The following USP8 variants were observed in gnomAD, a reference collection of about 807,000 sequenced individuals.
The protein encoded by USP8 is ubiquitin specific peptidase 8.
A neutral mutation model predicts 130.0 loss-of-function variants in USP8; 27 were observed. The observed-to-expected ratio is 0.21, with a 90% CI of 0.15 to 0.29. The LOEUF is 0.29. Among genes scored for constraint, USP8 ranks in the 10% least tolerant of loss-of-function variants. USP8 has a pLI of 1.00. For synonymous variants in USP8, 392 were observed against 444.1 expected (o/e 0.88, Z 1.48); for missense variants, 1,029 against 1,312.2 (o/e 0.78, Z 3.33).
intron 1 of USP8, among the ~76,000 whole-genome samples, chr15:50,438,562 G>T (rs911948305): frequency 6.6e-5 from 10 of 152,174 alleles, no homozygotes; most frequent in African/African-American, 2.4e-4. Flanking sequence ...TACAGCCAGG[G>T]TGACAGGGTG....
chr15:50,472,597 G>GA (rs572914472), intron 8 of USP8, among the ~76,000 whole-genome samples: 1,944 of 108,954 alleles, frequency 0.018, 38 homozygotes, highest in African/African-American at 0.055. Flanking sequence ...ACTCTGTCTG[G>GA]AAAAAAAAAA....
intron 15 of USP8, chr15:50,493,666 G>A (rs1435107729): frequency 1.3e-5 from 5 of 372,560 alleles, no homozygotes; most frequent in Admixed American, 1.1e-4. Flanking sequence ...GATCACCTGA[G>A]CCCAGAAGGT....
chr15:50,484,249 C>G, intron 11 of USP8, 26 bp from the exon 12 acceptor site: 1 of 1,568,700 alleles, frequency 6.4e-7, no homozygotes, highest in Non-Finnish European at 8.7e-7. Flanking sequence ...TTTTCTTTCA[C>G]TTCTGTAATT....
intron 16 of USP8, among the ~76,000 whole-genome samples, chr15:50,495,189 GATAT>G (rs147090227): frequency 6.8e-6 from 1 of 146,706 alleles, no homozygotes; most frequent in Non-Finnish European, 1.5e-5. Context: ...CCACTGAACA[GATAT>G]ATATATATAT....
chr15:50,469,128 T>C lies in USP8; in HGVS notation c.687-2505T>C, dbSNP rs1193201897. On this transcript the variant is annotated intron_variant, in intron 7 of 19. Coordinates refer to ENST00000307179, the MANE Select transcript of USP8 (RefSeq NM_005154.5). ...GTGTGTAGTTGTAGTTTGTTCATTCTCATTGCCATATGATGTTCTGTTGTG... is the reference window on the plus strand; with the variant it reads ...GTGTGTAGTTGTAGTTTGTTCATTCCCATTGCCATATGATGTTCTGTTGTG... Among the ~76,000 whole-genome samples, 3 of 152,344 alleles carry C rather than the reference T, an allele frequency of 2.0e-5. No homozygotes were observed. The East Asian group carries it at 5.8e-4, about 29-fold the overall frequency.
intron 18 of USP8, 135 bp downstream of exon 18, chr15:50,497,366 G>A: frequency 8.9e-7 from 1 of 1,117,370 alleles, no homozygotes; most frequent in Non-Finnish European, 1.2e-6. Context: ...GTAGATCTAG[G>A]GAAATAAAGC....
Position 50,497,008 on chromosome 15 carries a change from A to G in USP8, c.2896-81A>G, listed in dbSNP as rs987868937. Reference sequence around the variant, plus strand: ...GCTGTTGAATCACTGGTGCCTGCAGAGTGACTAACTAAATAGGTGCTCTCT... The same window carrying G: ...GCTGTTGAATCACTGGTGCCTGCAGGGTGACTAACTAAATAGGTGCTCTCT... On this transcript the variant is annotated intron_variant, in intron 17 of 19. Coordinates refer to ENST00000307179, the MANE Select transcript of USP8 (RefSeq NM_005154.5). 8 of 1,508,850 alleles carry G rather than the reference A, an allele frequency of 5.3e-6. No individual in the cohort carries two copies. In the South Asian group the frequency reaches 1.1e-4, roughly 20 times the overall value. The allele number at this position is 1,508,850 out of a possible 1,614,324, so 93.5% of individuals were successfully genotyped here. A position where few individuals can be genotyped will look rare whatever the true frequency, so the allele number is the denominator to read the frequency against.
chr15:50,456,654 C>T (rs1217748671), intron 4 of USP8, among the ~76,000 whole-genome samples: 4 of 151,772 alleles, frequency 2.6e-5, no homozygotes, highest in Non-Finnish European at 5.9e-5. Flanking sequence ...GGGAGGCCGA[C>T]GAGGGTGGAT....
At chr15:50,475,044 G>A (rs2051515712) in intron 8 of USP8, among the ~76,000 whole-genome samples, 1 of 152,158 alleles carries the variant, frequency 6.6e-6, no homozygotes, top group African/African-American at 2.4e-5. Context: ...AGTGGGCAGA[G>A]GTTGCAATGA....
chr15:50,499,060 G>A lies in USP8; in HGVS notation c.3329G>A (p.Gly1110Glu), dbSNP rs745868641. ...TATATCCTCTTTTATACTTCATTGG[G>A]ACCACGAGTAACTGATGTAGCCACA... ...AAYILFYTSL[G>E]PRVTDVAT is the part of the protein sequence containing the mutation. Residue 1110 changes from glycine (G) to glutamate (E), a missense_variant, in exon 20 of 20, where the codon GGA becomes GAA. Gly to Glu is a moderately conservative substitution (Grantham distance 98). Coordinates refer to ENST00000307179, the MANE Select transcript of USP8 (RefSeq NM_005154.5). 2.5e-6 allele frequency: 4 copies of A among 1,610,814 alleles called. No individual in the cohort carries two copies. The highest frequency in any genetic ancestry group is 1.3e-5 in the African/African-American group (1 of 74,738).
intron 1 of USP8, among the ~76,000 whole-genome samples, chr15:50,437,752 C>T (rs75722486): frequency 0.018 from 2,789 of 152,322 alleles, 35 homozygotes; most frequent in Admixed American, 0.031. Context: ...GAATTAGATA[C>T]CTCGCTAGAA....
chr15:50,462,376 A>G, intron 6 of USP8, 54 bp downstream of exon 6: 1 of 1,481,044 alleles, frequency 6.8e-7, no homozygotes, highest in South Asian at 1.3e-5. Flanking sequence ...AGATCTTTTA[A>G]TCAGAATAAG....
chr15:50,513,518 T>TGAAAA lies in USP8; in HGVS notation c.*14430_*14431insGAAAA, dbSNP rs1172982929. On this transcript the variant is annotated 3_prime_UTR_variant, in exon 20 of 20. Transcript: ENST00000307179. Reference sequence around the variant, plus strand: ...AGTTCGAGACAAGAGCGAAACTGTCTAAAAAAAAAAAAAAAAAAAAGAGTG... The same window carrying TGAAAA: ...AGTTCGAGACAAGAGCGAAACTGTCTGAAAAAAAAAAAAAAAAAAAAAAAAGAGTG... The TGAAAA allele has an allele frequency of 1.2e-5, 1 of 85,980 alleles. No homozygotes were observed. Among genetic ancestry groups the TGAAAA allele is most frequent in the Non-Finnish European group, 2.3e-5 (1 of 42,744 alleles). The allele number at this position is 85,980 out of a possible 1,614,324, so 5.3% of individuals were successfully genotyped here.
chr15:50,481,916 A>G lies in USP8; in HGVS notation c.1654A>G (p.Lys552Glu). The change falls in exon 11 of 20, where the codon AAA becomes GAA. Residue 552 changes from lysine to glutamate, a missense_variant. Physicochemically the swap from Lys to Glu is moderately conservative, Grantham distance 56. Around this residue, in one of 4 missense-constraint regions of USP8, gnomAD observed 486 missense variants for 522.0 expected, o/e 0.93. Coordinates refer to ENST00000307179, the MANE Select transcript of USP8 (RefSeq NM_005154.5). ...GAGGGGCAAAGAAATAACAGGAGTA[A>G]AAAGACAAAGTAAAAGTGAACATGA... Reference protein sequence around the residue: ...AKRGKEITGVKRQSKSEHETS... With the variant: ...AKRGKEITGVERQSKSEHETS... 6.2e-7 allele frequency: 1 copy of G among 1,607,266 alleles called. No homozygotes were observed. The highest frequency in any genetic ancestry group is 8.5e-7 in the Non-Finnish European group (1 of 1,177,856).
intron 16 of USP8, 35 bp from the exon 17 acceptor site, chr15:50,495,813 A>G (rs745900760): frequency 9.4e-6 from 14 of 1,495,730 alleles, no homozygotes; most frequent in East Asian, 2.3e-5. Flanking sequence ...TTTCTTTGAG[A>G]TATTAATATA....
At position 50,471,710 on chromosome 15, in the gene USP8, A is replaced by T. The variant is rs374045855; in HGVS notation, c.764A>T (p.Tyr255Phe). The T allele has an allele frequency of 3.1e-6, 5 of 1,614,014 alleles. No homozygotes were observed. In the African/African-American group the frequency reaches 6.7e-5, roughly 22 times the overall value. The change falls in exon 8 of 20, where the codon TAT becomes TTT. Residue 255 changes from tyrosine to phenylalanine, a missense_variant. Around this residue, in one of 4 missense-constraint regions of USP8, gnomAD observed 281 missense variants for 336.7 expected, o/e 0.83. Transcript: ENST00000307179. Reference protein sequence around the residue: ...DTWKKRGNVEYVVLLDWFSSA... With the variant: ...DTWKKRGNVEFVVLLDWFSSA... The stretch of plus-strand genomic sequence containing the variant: ...TGGAAGAAGAGGGGGAATGTGGAGT[A>T]TGTGGTACTTCTTGACTGGTTTAGT...
At chr15:50,427,625 A>C (rs4775883) in intron 1 of USP8, among the ~76,000 whole-genome samples, 1 of 128,434 alleles carries the variant, frequency 7.8e-6, no homozygotes, top group Non-Finnish European at 1.6e-5. Flanking sequence ...TGCAGTGGTG[A>C]GTTCTCGGCT....
intron 3 of USP8, among the ~76,000 whole-genome samples, chr15:50,443,252 G>A (rs1455647036): frequency 6.8e-6 from 1 of 147,998 alleles, no homozygotes. Context: ...TGTTGGCCCA[G>A]CTGGTATCGA....
At chr15:50,439,472 C>CT (rs1388685738) in intron 2 of USP8, among the ~76,000 whole-genome samples, 8 of 152,236 alleles carry the variant, frequency 5.3e-5, no homozygotes, top group African/African-American at 1.9e-4. Flanking sequence ...AAGTCATTGT[C>CT]TTTTCATAAA....
Sources: allele counts gnomAD v4.1 joint callset (sites outside exome capture counted in the v4.1 genomes callset), GRCh38; gene constraint gnomAD v4.1.1; regional missense constraint gnomAD v4.1.1; transcripts MANE v1.5; gene names NCBI Gene and HGNC (gene_info 2026-07-23, HGNC 2026-07-21).